SCAF11: variants seen among roughly 807,000 people sequenced by gnomAD.
The protein encoded by SCAF11 is protein SCAF11.
Under a neutral mutation model 140.5 loss-of-function variants are expected in SCAF11, and 47 were observed. The ratio of observed to expected loss-of-function variants is 0.33; its 90% CI spans 0.26 to 0.43. The LOEUF is 0.43. Ranked by LOEUF, SCAF11 falls within the 20% of genes least tolerant of loss-of-function variation. SCAF11 has a pLI of 1.00. For missense variants in SCAF11, 1,645 were observed against 1,705.1 expected, an observed-to-expected ratio of 0.96 and a Z score of 0.62; for synonymous variants, 557 against 579.4, an observed-to-expected ratio of 0.96 and a Z score of 0.55.
upstream of SCAF11, among the ~76,000 whole-genome samples, chr12:45,990,773 T>G (rs960161457): frequency 6.6e-6 from 1 of 152,212 alleles, no homozygotes; most frequent in African/African-American, 2.4e-5. Flanking sequence ...GCTGGCAAAC[T>G]GCTGTTTGAG....
intron 2 of SCAF11, among the ~76,000 whole-genome samples, chr12:45,963,005 T>C (rs868868663): frequency 2.2e-4 from 33 of 152,162 alleles, no homozygotes; most frequent in South Asian, 2.1e-3. Context: ...AAATACCACA[T>C]AAAATGGACA....
chr12:45,960,174 TG>T (rs1945791655), intron 3 of SCAF11, among the ~76,000 whole-genome samples: 1 of 152,108 alleles, frequency 6.6e-6, no homozygotes, highest in Non-Finnish European at 1.5e-5. Flanking sequence ...TAGAGAAACC[TG>T]GAACATGTAC....
intron 1 of SCAF11, among the ~76,000 whole-genome samples, chr12:45,964,716 A>T (rs550340161): frequency 1.3e-5 from 2 of 152,146 alleles, no homozygotes; most frequent in African/African-American, 2.4e-5. Context: ...TAAGCAACAA[A>T]GCCTAAATGA....
Position 45,990,400 on chromosome 12 carries a change from G to T in SCAF11, c.-69C>A. ...CGGTCCGGCCGCGGCCCCACAGTAG[G>T]TTCCCAGGTCCCAGTCACTCCGCTG... On this transcript the variant is annotated 5_prime_UTR_variant, in exon 1 of 15. Transcript: ENST00000369367. 1 of 1,232,544 alleles carries T rather than the reference G, an allele frequency of 8.1e-7. No homozygotes were observed. Among genetic ancestry groups the T allele is most frequent in the Non-Finnish European group, 1.0e-6 (1 of 988,712 alleles). 76.4% of individuals were successfully genotyped at this position (1,232,544 alleles called of 1,614,324 possible).
intron 1 of SCAF11, chr12:45,975,185 A>G (rs1036600395): frequency 1.3e-5 from 2 of 152,190 alleles, no homozygotes; most frequent in African/African-American, 4.8e-5. Flanking sequence ...CACAGAGTAG[A>G]TTCAGTATAA....
At chr12:45,962,236 C>T (rs1945849329) in intron 2 of SCAF11, among the ~76,000 whole-genome samples, 1 of 152,250 alleles carries the variant, frequency 6.6e-6, no homozygotes, top group South Asian at 2.1e-4. Context: ...AAAACAAATG[C>T]TAATACAAAC....
chr12:45,953,912 G>A (rs1192134079), intron 3 of SCAF11: 1 of 951,862 alleles, frequency 1.1e-6, no homozygotes, highest in South Asian at 1.8e-5. Context: ...TAATCAACTA[G>A]TTTTAGTAAC....
chr12:45,991,329 C>T (rs1178216202), upstream of SCAF11, among the ~76,000 whole-genome samples: 11 of 152,230 alleles, frequency 7.2e-5, no homozygotes, highest in Admixed American at 7.2e-4. Context: ...CTTTGGGAGG[C>T]CGAGGCTGGC....
At chr12:45,925,558 A>C (rs1944838347) in intron 11 of SCAF11, among the ~76,000 whole-genome samples, 1 of 152,188 alleles carries the variant, frequency 6.6e-6, no homozygotes, top group Non-Finnish European at 1.5e-5. Flanking sequence ...TCAAAAAACA[A>C]AACGAACATT....
intron 1 of SCAF11, among the ~76,000 whole-genome samples, chr12:45,989,879 A>C (rs1031891845): frequency 6.6e-6 from 1 of 152,148 alleles, no homozygotes; most frequent in Non-Finnish European, 1.5e-5. Flanking sequence ...TCCCAAGAAA[A>C]GCCGACACCG....
intron 3 of SCAF11, among the ~76,000 whole-genome samples, chr12:45,952,916 C>T (rs1038232083): frequency 1.2e-4 from 19 of 152,312 alleles, no homozygotes; most frequent in African/African-American, 4.3e-4. Context: ...GGTTTTACCA[C>T]GTATCAAGAC....
At chr12:45,958,819 GC>G (rs1945760001) in intron 3 of SCAF11, among the ~76,000 whole-genome samples, 1 of 152,086 alleles carries the variant, frequency 6.6e-6, no homozygotes, top group South Asian at 2.1e-4. Context: ...TCCTTACATA[GC>G]TTTTGTTTAA....
Position 45,921,992 on chromosome 12 carries a change from T to C in SCAF11, c.*56A>G. ...TGTATGATTTTCAGTTAATGGTACA[T>C]GTTGAAATTGCACTTTGCAGATATC... is the stretch of plus-strand genomic sequence containing the variant. On this transcript the variant is annotated 3_prime_UTR_variant, in exon 15 of 15. Coordinates refer to ENST00000369367, the MANE Select transcript of SCAF11 (RefSeq NM_004719.3). 9 of 1,553,214 alleles carry C rather than the reference T, an allele frequency of 5.8e-6. No individual in the cohort carries two copies. The highest frequency in any genetic ancestry group is 2.1e-5 in the Admixed American group (1 of 47,900).
chr12:45,990,210 G>T (rs1946562130), intron 1 of SCAF11, 143 bp downstream of exon 1: 2 of 1,153,136 alleles, frequency 1.7e-6, no homozygotes, highest in Non-Finnish European at 1.1e-6. Flanking sequence ...GCACGACGTC[G>T]CACGGGCCGC....
chr12:45,972,893 GATATATATATAT>G lies in SCAF11; in HGVS notation c.-21-8717_-21-8706del, dbSNP rs377736896. The stretch of plus-strand genomic sequence containing the variant: ...ATATATATATATAGATATATATATA[GATATATATATAT>G]ATAGATATATATATAGATATATAGA... On this transcript the variant is annotated intron_variant, in intron 1 of 14. Transcript: ENST00000369367. Among the ~76,000 whole-genome samples the G allele has an allele frequency of 4.7e-5, 3 of 63,830 alleles. 1 individual carries two copies. The highest frequency in any genetic ancestry group is 1.3e-4 in the African/African-American group (1 of 7,618). 41.9% of individuals were successfully genotyped at this position (63,830 alleles called of 152,430 possible).
intron 1 of SCAF11, among the ~76,000 whole-genome samples, chr12:45,989,313 A>G (rs1005387129): frequency 1.3e-5 from 2 of 152,268 alleles, no homozygotes; most frequent in Non-Finnish European, 2.9e-5. Flanking sequence ...AATCGGAGAA[A>G]AAAATTTAAC....
At chr12:45,947,655 C>A (rs907509675) in intron 5 of SCAF11, among the ~76,000 whole-genome samples, 1 of 152,116 alleles carries the variant, frequency 6.6e-6, no homozygotes, top group South Asian at 2.1e-4. Flanking sequence ...TGATTAAGTA[C>A]AAAAATGAGG....
At position 45,926,584 on chromosome 12, in the gene SCAF11, T is replaced by C; in HGVS notation, c.3117A>G (p.Pro1039=). Reference sequence around the variant, plus strand: ...CCCAATGAGACTCTTTCAACTTTTCTGGATTTCTGGTTCTTGGATCAGGCC... The same window carrying C: ...CCCAATGAGACTCTTTCAACTTTTCCGGATTTCTGGTTCTTGGATCAGGCC... ...NSGPDPRTRN[P]EKLKESHWEE... Residue 1039 remains proline, a synonymous_variant, in exon 11 of 15, where the codon CCA becomes CCG. Coordinates refer to ENST00000369367, the MANE Select transcript of SCAF11 (RefSeq NM_004719.3). 1.2e-6 allele frequency: 2 copies of C among 1,613,394 alleles called. No homozygotes were observed. The highest frequency in any genetic ancestry group is 1.1e-5 in the South Asian group (1 of 90,842).
intron 12 of SCAF11, 48 bp from the exon 13 acceptor site, chr12:45,923,202 G>C (rs1944758064): frequency 1.3e-6 from 2 of 1,520,266 alleles, no homozygotes; most frequent in Non-Finnish European, 1.8e-6. Context: ...GTACTCGATA[G>C]AAGTCTTTTA....
Sources: allele counts gnomAD v4.1 joint callset (sites outside exome capture counted in the v4.1 genomes callset), GRCh38; gene constraint gnomAD v4.1.1; transcripts MANE v1.5; gene names NCBI Gene and HGNC (gene_info 2026-07-23, HGNC 2026-07-21).